Variants in WAC observed in about 807,000 individuals in gnomAD.
WAC encodes WW domain-containing adapter protein with coiled-coil.
In WAC, 11 loss-of-function variants were observed where a neutral mutation model predicts 79.6. The ratio of observed to expected loss-of-function variants is 0.14; its 90% confidence interval spans 0.09 to 0.23. WAC has a LOEUF of 0.23. Among genes scored for constraint, WAC ranks in the 10% least tolerant of loss-of-function variants. The probability of loss-of-function intolerance (pLI) is 1.00; values close to 1 mark genes in which losing one functional copy is unlikely to be tolerated. For synonymous variants in WAC, 304 were observed against 276.9 expected (o/e 1.10, Z -0.97); for missense variants, 728 against 773.5 (o/e 0.94, Z 0.70).
chr10:28,601,851 A>T (rs537659652), intron 7 of WAC, among the ~76,000 whole-genome samples: 2 of 152,292 alleles, frequency 1.3e-5, no homozygotes, highest in Middle Eastern at 3.4e-3. Context: ...TCAAATTCAT[A>T]CAGACAGAAA....
rs966304355 is a variant in WAC, at chr10:28,622,723, G to A, written c.*3117G>A. 40 of 152,056 alleles carry A rather than the reference G, an allele frequency of 2.6e-4. No individual in the cohort carries two copies. Among genetic ancestry groups the A allele is most frequent in the African/African-American group, 9.2e-4 (38 of 41,400 alleles). 9.4% of individuals were successfully genotyped at this position (152,056 alleles called of 1,614,324 possible). On this transcript the variant is annotated 3_prime_UTR_variant, in exon 14 of 14. Coordinates refer to ENST00000354911, the MANE Select transcript of WAC (RefSeq NM_016628.5). The stretch of plus-strand genomic sequence containing the variant: ...TTCACACTTGTAAAATCTTGGGAAG[G>A]AGGTTCTTAAAACTTTGCCAGGAAT...
chr10:28,616,404 C>G, intron 12 of WAC, 42 bp downstream of exon 12: 1 of 1,415,324 alleles, frequency 7.1e-7, no homozygotes, highest in Non-Finnish European at 9.4e-7. Context: ...GGATGATTAG[C>G]AAAACAGAAT....
chr10:28,538,889 A>G (rs1009419205), intron 3 of WAC, among the ~76,000 whole-genome samples: 1 of 151,576 alleles, frequency 6.6e-6, no homozygotes, highest in Non-Finnish European at 1.5e-5. Flanking sequence ...AAAAAAGAAA[A>G]AAATTAATGT....
intron 1 of WAC, 124 bp from the exon 2 acceptor site, chr10:28,533,874 G>C: frequency 8.0e-7 from 1 of 1,247,954 alleles, no homozygotes. Flanking sequence ...TGCGTGCGGG[G>C]CTCGGCGCTG....
At position 28,535,609 on chromosome 10, in the gene WAC, A is replaced by G. The variant is rs748367246; in HGVS notation, c.126A>G (p.Arg42=). Residue 42 remains arginine, a synonymous_variant, in exon 3 of 14, where the codon AGA becomes AGG. Transcript: ENST00000354911. The part of the protein sequence containing the change: ...SKSHPSSGDH[R]HEKMRDAGDP... ...GTCACCCCAGTAGCGGTGATCACAG[A>G]CATGAAAAGATGCGAGACGCCGGAG... 6 of 1,614,000 alleles carry G rather than the reference A, an allele frequency of 3.7e-6. No homozygotes were observed. In the Admixed American group the frequency reaches 1.0e-4, roughly 27 times the overall value.
chr10:28,587,031 G>A (rs1839854407), intron 4 of WAC, among the ~76,000 whole-genome samples: 1 of 152,030 alleles, frequency 6.6e-6, no homozygotes, highest in Non-Finnish European at 1.5e-5. Context: ...GGAGACTGAG[G>A]AGGGAGGCTC....
At chr10:28,577,010 A>G (rs1839276552) in intron 3 of WAC, among the ~76,000 whole-genome samples, 1 of 152,178 alleles carries the variant, frequency 6.6e-6, no homozygotes, top group Admixed American at 6.5e-5. Context: ...AGTGCTTAGT[A>G]GCTATGTGTG....
At chr10:28,612,865 A>G (rs1017368759) in intron 10 of WAC, among the ~76,000 whole-genome samples, 2 of 152,190 alleles carry the variant, frequency 1.3e-5, no homozygotes, top group African/African-American at 4.8e-5. Flanking sequence ...GGCAAAAGAG[A>G]TGTTATTTTT....
chr10:28,605,476 T>G (rs966682769), intron 7 of WAC, among the ~76,000 whole-genome samples: 1 of 152,192 alleles, frequency 6.6e-6, no homozygotes, highest in East Asian at 1.9e-4. Flanking sequence ...AACCTTTTCA[T>G]AGAGAAGTTG....
At chr10:28,603,333 G>A (rs1476963067) in intron 7 of WAC, among the ~76,000 whole-genome samples, 1 of 152,190 alleles carries the variant, frequency 6.6e-6, no homozygotes, top group Non-Finnish European at 1.5e-5. Context: ...CCCATGGGTT[G>A]GACGAGCTTG....
At chr10:28,596,167 T>C in intron 7 of WAC, 126 bp downstream of exon 7, 4 of 1,057,220 alleles carry the variant, frequency 3.8e-6, no homozygotes, top group Non-Finnish European at 5.3e-6. Flanking sequence ...TTTTAGAATG[T>C]TTCTGTGTAG....
intron 9 of WAC, 185 bp from the exon 10 acceptor site, chr10:28,611,589 A>C (rs1403747058): frequency 1.6e-6 from 2 of 1,243,142 alleles, no homozygotes; most frequent in Non-Finnish European, 2.2e-6. Context: ...CACACAGCTC[A>C]CTTAGTCAGT....
rs1460172169 is a variant in WAC at position 28,608,153 on chromosome 10, G to A, written c.920-33G>A. ...GTTTGTTCCAATTTTCTCTATTCAG[G>A]TAATTTTTCAGGCTGATTATCTTTT... On this transcript the variant is annotated intron_variant, in intron 7 of 13. Coordinates refer to ENST00000354911, the MANE Select transcript of WAC (RefSeq NM_016628.5). The A allele has an allele frequency of 4.3e-6, 7 of 1,610,270 alleles. No individual in the cohort carries two copies. In the Admixed American group the frequency reaches 1.2e-4, roughly 27 times the overall value.
At chr10:28,588,660 C>T (rs1171276516) in intron 4 of WAC, 1 of 151,872 alleles carries the variant, frequency 6.6e-6, no homozygotes, top group Non-Finnish European at 1.5e-5. Flanking sequence ...TACAGTGAAC[C>T]CAGAAGGATA....
At position 28,533,537 on chromosome 10, in the gene WAC, C is replaced by G. The variant is rs1385508333; in HGVS notation, c.-43C>G. On this transcript the variant is annotated 5_prime_UTR_variant, in exon 1 of 14. Transcript: ENST00000354911. ...TGCGCGCCCGCCCGCCTTTCGCGGCCGCTCTCCCCCCTCCCCGACACACAC... is the reference window on the plus strand; with the variant it reads ...TGCGCGCCCGCCCGCCTTTCGCGGCGGCTCTCCCCCCTCCCCGACACACAC... The G allele has an allele frequency of 1.3e-5, 17 of 1,281,630 alleles. No individual in the cohort carries two copies. Among genetic ancestry groups the G allele is most frequent in the Admixed American group, 5.0e-5 (2 of 40,390 alleles). The allele number at this position is 1,281,630 out of a possible 1,614,324, so 79.4% of individuals were successfully genotyped here. A position where few individuals can be genotyped will look rare whatever the true frequency, so the allele number is the denominator to read the frequency against.
intron 9 of WAC, chr10:28,611,534 C>A: frequency 2.2e-6 from 3 of 1,376,928 alleles, no homozygotes; most frequent in Non-Finnish European, 2.8e-6. Flanking sequence ...CCTGTTCCAG[C>A]CACATAAAGG....
At chr10:28,559,253 A>G (rs190859096) in intron 3 of WAC, among the ~76,000 whole-genome samples, 145 of 152,172 alleles carry the variant, frequency 9.5e-4, no homozygotes, top group African/African-American at 3.4e-3. Context: ...AGGAGGAAGT[A>G]GTAAGATATG....
intron 3 of WAC, among the ~76,000 whole-genome samples, chr10:28,574,112 GTTTTTA>G (rs144396619): frequency 0.34 from 51,621 of 151,480 alleles, 9,612 homozygotes; most frequent in East Asian, 0.54. Context: ...TAAACATTTG[GTTTTTA>G]TTTTTTGACT....
In WAC at chr10:28,590,853, T is replaced by C. The variant is rs749268462; in HGVS notation, c.610+21T>C. ...TGGAAGTAAGTATTAATTTTTTTTC[T>C]TTGAAATGTATGTTTGACTTATTCG... On this transcript the variant is annotated intron_variant, in intron 6 of 13. Coordinates refer to ENST00000354911, the MANE Select transcript of WAC (RefSeq NM_016628.5). The C allele has an allele frequency of 2.6e-6, 4 of 1,562,940 alleles. No individual in the cohort carries two copies. In the East Asian group the frequency reaches 9.1e-5, roughly 35 times the overall value.
Sources: allele counts gnomAD v4.1 joint callset (sites outside exome capture counted in the v4.1 genomes callset), GRCh38; gene constraint gnomAD v4.1.1; transcripts MANE v1.5; gene names NCBI Gene and HGNC (gene_info 2026-07-23, HGNC 2026-07-21).